SCN2A: variants seen among roughly 807,000 people sequenced by gnomAD.
SCN2A encodes sodium channel protein type 2 subunit alpha.
SCN2A carries 20 observed loss-of-function variants against 188.7 expected under a neutral mutation model. The observed-to-expected ratio is 0.11, with a 90% CI of 0.07 to 0.15. The LOEUF (loss-of-function observed/expected upper bound fraction) is 0.15, where lower values mean the gene tolerates loss of function less well. SCN2A is among the 10% of genes least tolerant of loss of function. The pLI, the probability that SCN2A is intolerant of heterozygous loss-of-function variation, is 1.00. For missense variants in SCN2A, 1,278 were observed against 2,445.0 expected, an observed-to-expected ratio of 0.52 and a Z score of 10.07; for synonymous variants, 804 against 833.1, an observed-to-expected ratio of 0.97 and a Z score of 0.60.
In SCN2A at chr2:165,307,969, C is replaced by T. The variant is rs191600520; in HGVS notation, c.476+32C>T. ...ATAAATATTTTTCAATATTGACCTC[C>T]CTTTATGTTTCATATTGTGCTTTTA... On this transcript the variant is annotated intron_variant, in intron 4 of 26. Coordinates refer to ENST00000375437, the MANE Select transcript of SCN2A (RefSeq NM_001040142.2). 72 of 1,401,850 alleles carry T rather than the reference C, an allele frequency of 5.1e-5. No individual in the cohort carries two copies. The Admixed American group carries it at 6.0e-4, about 12-fold the overall frequency. 86.8% of individuals were successfully genotyped at this position (1,401,850 alleles called of 1,614,324 possible).
chr2:165,337,546 T>C (rs553569284), intron 14 of SCN2A, among the ~76,000 whole-genome samples: 4 of 152,172 alleles, frequency 2.6e-5, no homozygotes, highest in Admixed American at 6.5e-5. Context: ...GTCATGCTGC[T>C]GAAAACAACA....
chr2:165,332,933 G>A (rs1448485557), intron 14 of SCN2A, among the ~76,000 whole-genome samples: 1 of 151,880 alleles, frequency 6.6e-6, no homozygotes, highest in Non-Finnish European at 1.5e-5. Flanking sequence ...TTCCTCTCTG[G>A]CTGGGCATTT....
intron 1 of SCN2A, among the ~76,000 whole-genome samples, chr2:165,275,484 C>T (rs2106111917): frequency 6.6e-6 from 1 of 152,306 alleles, no homozygotes; most frequent in South Asian, 2.1e-4. Context: ...ATAAGCTCCA[C>T]AAGGGCAAGG....
intron 2 of SCN2A, chr2:165,296,685 C>CAAA (rs67944134): frequency 2.4e-5 from 4 of 168,696 alleles, no homozygotes; most frequent in South Asian, 1.3e-4. Context: ...ATTTTCTAAC[C>CAAA]AAAAAAAAAA....
At position 165,298,287 on chromosome 2, in the gene SCN2A, A is replaced by G. The variant is rs541350914; in HGVS notation, c.386+1152A>G. Among the ~76,000 whole-genome samples, 17 of 152,266 alleles carry G rather than the reference A, an allele frequency of 1.1e-4. 1 individual carries two copies. The South Asian group carries it at 3.3e-3, about 30-fold the overall frequency. Reference sequence around the variant, plus strand: ...GCCTAGAAAATATTTGAATTAGATAAGGTATGGAACTAAATTAAGTAGGGA... The same window carrying G: ...GCCTAGAAAATATTTGAATTAGATAGGGTATGGAACTAAATTAAGTAGGGA... On this transcript the variant is annotated intron_variant, in intron 3 of 26. Transcript: ENST00000375437.
At chr2:165,308,857 A>G in intron 5 of SCN2A, 63 bp downstream of exon 5, 1 of 1,597,244 alleles carries the variant, frequency 6.3e-7, no homozygotes, top group Non-Finnish European at 8.6e-7. Context: ...CCTATACTAT[A>G]TTTTCCTTGG....
intron 3 of SCN2A, among the ~76,000 whole-genome samples, chr2:165,306,504 TTGTGTG>T (rs10524719): frequency 0.055 from 8,068 of 147,218 alleles, 381 homozygotes; most frequent in African/African-American, 0.12. Context: ...AAATGGTATT[TTGTGTG>T]TGTGTGTGTG....
intron 1 of SCN2A, among the ~76,000 whole-genome samples, chr2:165,256,020 T>TTTTTC (rs3029613): frequency 6.8e-6 from 1 of 147,692 alleles, no homozygotes; most frequent in African/African-American, 2.5e-5. Context: ...TTTTTTTTTT[T>TTTTTC]GGTGATGGAG....
chr2:165,339,663 T>A lies in SCN2A; in HGVS notation c.2389-2633T>A, dbSNP rs77319970. Among the ~76,000 whole-genome samples the A allele has an allele frequency of 7.1e-3, 1,075 of 152,214 alleles. 14 individuals are homozygous for A. The highest frequency in any genetic ancestry group is 0.022 in the African/African-American group (918 of 41,540). On this transcript the variant is annotated intron_variant, in intron 14 of 26. Transcript: ENST00000375437. Reference sequence around the variant, plus strand: ...ATGGCTGAGAATAATTACAGAAGATTTAAACAAATGGAAATATATATGCCA... The same window carrying A: ...ATGGCTGAGAATAATTACAGAAGATATAAACAAATGGAAATATATATGCCA...
chr2:165,332,834 G>A (rs1698767452), intron 14 of SCN2A, among the ~76,000 whole-genome samples: 1 of 151,992 alleles, frequency 6.6e-6, no homozygotes, highest in Non-Finnish European at 1.5e-5. Flanking sequence ...TTTGGAACTA[G>A]TTCTAGGTTC....
intron 10 of SCN2A, 31 bp from the exon 11 acceptor site, chr2:165,315,440 T>A: frequency 6.2e-7 from 1 of 1,613,128 alleles, no homozygotes. Flanking sequence ...TAAGTTTATA[T>A]GCAACTTCCA....
rs1700940700 is a variant in SCN2A, at chr2:165,369,982, A to G, written c.3676-144A>G. On this transcript the variant is annotated intron_variant, in intron 19 of 26. Transcript: ENST00000375437. ...AGCAGTCATTTATGATCAGATAATG[A>G]TAAAGTAAAATTCAGCCATGGGAAA... 3 of 679,462 alleles carry G rather than the reference A, an allele frequency of 4.4e-6. No individual in the cohort carries two copies. In the Admixed American group the frequency reaches 8.1e-5, roughly 18 times the overall value. 42.1% of individuals were successfully genotyped at this position (679,462 alleles called of 1,614,324 possible). A position where few individuals can be genotyped will look rare whatever the true frequency, so the allele number is the denominator to read the frequency against.
chr2:165,286,492 A>G (rs1695836294), intron 1 of SCN2A, among the ~76,000 whole-genome samples: 3 of 152,200 alleles, frequency 2.0e-5, no homozygotes, highest in Admixed American at 2.0e-4. Context: ...AAAATATCAA[A>G]TGTAACACAT....
At chr2:165,365,587 T>C (rs886952613) in intron 18 of SCN2A, among the ~76,000 whole-genome samples, 1 of 152,138 alleles carries the variant, frequency 6.6e-6, no homozygotes, top group Admixed American at 6.5e-5. Flanking sequence ...TAAAATATCT[T>C]ACAGGAGAGA....
chr2:165,323,153 T>C lies in SCN2A; in HGVS notation c.1672-3T>C, dbSNP rs769105267. 5.0e-6 allele frequency: 8 copies of C among 1,613,650 alleles called. No individual in the cohort carries two copies. In the Admixed American group the frequency reaches 5.0e-5, roughly 10 times the overall value. ...TTTTTGTTTCTTCTCTTGTTATTCA[T>C]AGTCCTTACTGAGCATCCGTGGCTC... On this transcript the variant is annotated splice_polypyrimidine_tract_variant and splice_region_variant and intron_variant, in intron 11 of 26. Coordinates refer to ENST00000375437, the MANE Select transcript of SCN2A (RefSeq NM_001040142.2).
At position 165,274,880 on chromosome 2, in the gene SCN2A, T is replaced by G. The variant is rs188337242; in HGVS notation, c.-51-20893T>G. On this transcript the variant is annotated intron_variant, in intron 1 of 26. Transcript: ENST00000375437. Reference sequence around the variant, plus strand: ...GCTATCCTGCTTTCATCATCCTCCTTCTGTTCTCAAGCCAAGGACATAGAA... The same window carrying G: ...GCTATCCTGCTTTCATCATCCTCCTGCTGTTCTCAAGCCAAGGACATAGAA... Among the ~76,000 whole-genome samples, 476 of 152,266 alleles carry G rather than the reference T, an allele frequency of 3.1e-3. 4 individuals are homozygous for G. In the Middle Eastern group the frequency reaches 0.034, roughly 11 times the overall value.
chr2:165,359,941 A>C (rs1037526002), intron 17 of SCN2A, among the ~76,000 whole-genome samples: 1 of 152,002 alleles, frequency 6.6e-6, no homozygotes, highest in Non-Finnish European at 1.5e-5. Context: ...CATTATAAAC[A>C]CTAAAATGAC....
rs185568105 is a variant in SCN2A at position 165,309,546 on chromosome 2, T to C, written c.697+103T>C. 3.1e-3 allele frequency: 4,251 copies of C among 1,384,654 alleles called. 13 individuals carry two copies. Among genetic ancestry groups the C allele is most frequent in the Non-Finnish European group, 3.5e-3 (3,497 of 985,590 alleles). 85.8% of individuals were successfully genotyped at this position (1,384,654 alleles called of 1,614,324 possible). A position where few individuals can be genotyped will look rare whatever the true frequency, so the allele number is the denominator to read the frequency against. ...TTGCTAGTTGCATATTGCAAATAAATATGTAAAAAAGCAAGAATTGGTACA... is the reference window on the plus strand; with the variant it reads ...TTGCTAGTTGCATATTGCAAATAAACATGTAAAAAAGCAAGAATTGGTACA... On this transcript the variant is annotated intron_variant, in intron 6 of 26. Coordinates refer to ENST00000375437, the MANE Select transcript of SCN2A (RefSeq NM_001040142.2).
At position 165,344,776 on chromosome 2, in the gene SCN2A, T is replaced by C; in HGVS notation, c.2784T>C (p.Phe928=). ...TCCCACGCTGGCACATGCATGACTT[T>C]TTCCACTCCTTCCTGATCGTGTTCC... ...CELPRWHMHD[F]FHSFLIVFRV... The change falls in exon 16 of 27, where the codon TTT becomes TTC. Residue 928 remains phenylalanine (F), a synonymous_variant. Transcript: ENST00000375437. 1 of 1,614,162 alleles carries C rather than the reference T, an allele frequency of 6.2e-7. No homozygotes were observed. Among genetic ancestry groups the C allele is most frequent in the African/African-American group, 1.3e-5 (1 of 75,044 alleles).
Sources: gnomAD v4.1 joint callset for allele counts (sites outside exome capture counted in the v4.1 genomes callset) on GRCh38, gnomAD v4.1.1 for gene constraint, MANE v1.5 for transcripts, NCBI Gene and HGNC (gene_info 2026-07-23, HGNC 2026-07-21) for gene names.